Variants in ARHGEF37 observed in about 807,000 individuals in gnomAD.
ARHGEF37 encodes the protein Rho guanine nucleotide exchange factor (GEF) 37.
ARHGEF37 carries 55 observed loss-of-function variants against 71.1 expected under a neutral mutation model. The observed-to-expected ratio is 0.77, with a 90% CI of 0.62 to 0.97. The LOEUF is 0.97. Ranked by LOEUF, ARHGEF37 falls within the 50% of genes least tolerant of loss-of-function variation. The pLI, the probability that ARHGEF37 is intolerant of heterozygous loss-of-function variation, is 0.00. For synonymous variants in ARHGEF37, 327 were observed against 350.6 expected, an observed-to-expected ratio of 0.93 and a Z score of 0.75; for missense variants, 765 against 836.8, an observed-to-expected ratio of 0.91 and a Z score of 1.06.
intron 11 of ARHGEF37, among the ~76,000 whole-genome samples, chr5:149,628,309 C>T (rs1752761359): frequency 6.6e-6 from 1 of 152,188 alleles, no homozygotes; most frequent in Non-Finnish European, 1.5e-5. Flanking sequence ...AATGCTTGCT[C>T]TGTAGTTTGG....
At chr5:149,576,326 T>A (rs139236546) in intron 1 of ARHGEF37, among the ~76,000 whole-genome samples, 12 of 152,330 alleles carry the variant, frequency 7.9e-5, no homozygotes, top group African/African-American at 2.9e-4. Flanking sequence ...GGCTTTGAAG[T>A]CATACTTCTG....
In ARHGEF37 at chr5:149,628,851, A is replaced by T; in HGVS notation, c.1703A>T (p.His568Leu). The T allele has an allele frequency of 6.2e-7, 1 of 1,613,766 alleles. No individual in the cohort carries two copies. Among genetic ancestry groups the T allele is most frequent in the Non-Finnish European group, 8.5e-7 (1 of 1,179,978 alleles). The stretch of plus-strand genomic sequence containing the variant: ...CCGGCTGGGAAACTACAGCTGTACC[A>T]TGTGGTCCCCAGTGCAGAGGAGCTC... ...YVPAGKLQLY[H>L]VVPSAEELRR... The change falls in exon 12 of 13, where the codon CAT becomes CTT. Residue 568 changes from histidine (H) to leucine (L), a missense_variant. This residue lies in a region of ARHGEF37 where 390 missense variants were observed against 407.4 expected (regional missense o/e 0.96). Coordinates refer to ENST00000333677, the MANE Select transcript of ARHGEF37 (RefSeq NM_001001669.3).
intron 11 of ARHGEF37, among the ~76,000 whole-genome samples, chr5:149,628,003 T>C (rs1752748853): frequency 6.6e-6 from 1 of 152,214 alleles, no homozygotes; most frequent in South Asian, 2.1e-4. Flanking sequence ...TTATTGTATA[T>C]AGTACAAGAT....
intron 2 of ARHGEF37, among the ~76,000 whole-genome samples, chr5:149,599,398 G>A (rs1442104137): frequency 7.3e-6 from 1 of 136,518 alleles, no homozygotes; most frequent in African/African-American, 2.7e-5. Flanking sequence ...AAAGGCCAGG[G>A]CAAGGCTCGG....
chr5:149,627,872 T>G (rs1367284939), intron 11 of ARHGEF37, among the ~76,000 whole-genome samples: 1 of 152,192 alleles, frequency 6.6e-6, no homozygotes, highest in African/African-American at 2.4e-5. Context: ...CTGAGATTAT[T>G]GTCAGGGGAT....
chr5:149,610,990 A>C (rs1764062596), intron 4 of ARHGEF37, among the ~76,000 whole-genome samples: 1 of 152,206 alleles, frequency 6.6e-6, no homozygotes, highest in South Asian at 2.1e-4. Flanking sequence ...ATCTGCAGTC[A>C]CCTGCAGGTC....
chr5:149,612,207 G>A (rs757259097), intron 4 of ARHGEF37, among the ~76,000 whole-genome samples: 31 of 151,882 alleles, frequency 2.0e-4, no homozygotes, highest in African/African-American at 3.4e-4. Flanking sequence ...TCGCTCTGTC[G>A]CCCAGGCTGG....
At chr5:149,613,291 T>C (rs987079993) in intron 4 of ARHGEF37, among the ~76,000 whole-genome samples, 1 of 152,120 alleles carries the variant, frequency 6.6e-6, no homozygotes, top group African/African-American at 2.4e-5. Flanking sequence ...TTCTACTGTA[T>C]ATTTATAGAT....
intron 4 of ARHGEF37, among the ~76,000 whole-genome samples, chr5:149,616,183 A>G (rs753120358): frequency 3.9e-5 from 6 of 152,138 alleles, no homozygotes; most frequent in Non-Finnish European, 8.8e-5. Context: ...CATTGGAGAG[A>G]GGCCAGCAGA....
At chr5:149,578,751 T>A (rs1763054309), upstream of ARHGEF37, among the ~76,000 whole-genome samples, 1 of 152,212 alleles carries the variant, frequency 6.6e-6, no homozygotes, top group South Asian at 2.1e-4. Context: ...GTGATGTCCA[T>A]TTCTTTGTAA....
intron 2 of ARHGEF37, among the ~76,000 whole-genome samples, chr5:149,600,484 G>C (rs1763719300): frequency 3.9e-5 from 6 of 152,174 alleles, no homozygotes; most frequent in Admixed American, 3.9e-4. Context: ...AAGTATGTCA[G>C]AGGTGGAAAG....
chr5:149,601,560 G>A (rs1488617595), intron 3 of ARHGEF37, among the ~76,000 whole-genome samples: 1 of 152,220 alleles, frequency 6.6e-6, no homozygotes, highest in African/African-American at 2.4e-5. Context: ...CCTGCAGTGT[G>A]CAGGCACAGC....
chr5:149,555,130 C>CAAAAA (rs914879036), intron 1 of ARHGEF37, among the ~76,000 whole-genome samples: 1 of 55,952 alleles, frequency 1.8e-5, no homozygotes, highest in African/African-American at 6.9e-5. Context: ...GACTCTGTCT[C>CAAAAA]AAAAAAAAAA....
At chr5:149,592,062 C>G (rs2895864) in intron 1 of ARHGEF37, among the ~76,000 whole-genome samples, 1 of 151,998 alleles carries the variant, frequency 6.6e-6, no homozygotes, top group Non-Finnish European at 1.5e-5. Flanking sequence ...CAAAGGGAGG[C>G]CCTCTGTACT....
chr5:149,607,004 C>T (rs1176351295), intron 3 of ARHGEF37, among the ~76,000 whole-genome samples: 1 of 152,210 alleles, frequency 6.6e-6, no homozygotes, highest in Non-Finnish European at 1.5e-5. Context: ...CTACCTCTGC[C>T]TCCAGGGTTC....
chr5:149,616,475 T>C lies in ARHGEF37; in HGVS notation c.459-92T>C, dbSNP rs572174965. ...GGGTGACTTGCCTGAGATCACACAGTGAGCTAAATGGTAGAGTGAGGACTA... is the reference window on the plus strand; with the variant it reads ...GGGTGACTTGCCTGAGATCACACAGCGAGCTAAATGGTAGAGTGAGGACTA... On this transcript the variant is annotated intron_variant, in intron 4 of 12. Transcript: ENST00000333677. The C allele has an allele frequency of 1.4e-5, 17 of 1,235,208 alleles. No homozygotes were observed. The East Asian group carries it at 4.0e-4, about 29-fold the overall frequency. 76.5% of individuals were successfully genotyped at this position (1,235,208 alleles called of 1,614,324 possible). A position where few individuals can be genotyped will look rare whatever the true frequency, so the allele number is the denominator to read the frequency against.
intron 1 of ARHGEF37, among the ~76,000 whole-genome samples, chr5:149,552,433 T>C (rs1380390537): frequency 6.6e-6 from 1 of 152,124 alleles, no homozygotes; most frequent in East Asian, 1.9e-4. Flanking sequence ...AAATTGGGCT[T>C]AGTAATAATA....
Position 149,601,238 on chromosome 5 carries a change from A to G in ARHGEF37, c.310+7A>G. ...GAACAAGTGCAGCTAGTTGGTAAGC[A>G]AAAAACCTAAGGAGTTGTCAGCCTT... On this transcript the variant is annotated splice_region_variant and intron_variant, in intron 3 of 12. Coordinates refer to ENST00000333677, the MANE Select transcript of ARHGEF37 (RefSeq NM_001001669.3). 1 of 1,609,340 alleles carries G rather than the reference A, an allele frequency of 6.2e-7. No individual in the cohort carries two copies.
intron 1 of ARHGEF37, among the ~76,000 whole-genome samples, chr5:149,584,790 T>C (rs552721094): frequency 3.7e-4 from 57 of 152,110 alleles, no homozygotes; most frequent in African/African-American, 1.3e-3. Flanking sequence ...TCTGGCTAAT[T>C]TTTGTATTTT....
Sources: gnomAD v4.1 joint callset for allele counts (sites outside exome capture counted in the v4.1 genomes callset) on GRCh38, gnomAD v4.1.1 for gene constraint, gnomAD v4.1.1 regional missense constraint, MANE v1.5 for transcripts, NCBI Gene and HGNC (gene_info 2026-07-23, HGNC 2026-07-21) for gene names.